The following ARHGAP26 variants were observed in gnomAD, a reference collection of about 807,000 sequenced individuals.
The protein encoded by ARHGAP26 is rho GTPase-activating protein 26.
ARHGAP26 carries 38 observed loss-of-function variants against 104.8 expected under a neutral mutation model. The ratio of observed to expected loss-of-function variants is 0.36; its 90% CI spans 0.28 to 0.48. The LOEUF is 0.48. ARHGAP26 is among the 20% of genes least tolerant of loss of function. The probability of loss-of-function intolerance (pLI) is 0.99; values close to 1 mark genes in which losing one functional copy is unlikely to be tolerated. For synonymous variants in ARHGAP26, 341 were observed against 340.0 expected, an observed-to-expected ratio of 1.00 and a Z score of -0.03; for missense variants, 704 against 947.9, an observed-to-expected ratio of 0.74 and a Z score of 3.38.
intron 13 of ARHGAP26, 38 bp from the exon 14 acceptor site, chr5:143,041,778 C>G: frequency 1.3e-6 from 2 of 1,495,452 alleles, no homozygotes. Flanking sequence ...TGTGTTCTGA[C>G]GTGCCTCTAA....
intron 1 of ARHGAP26, among the ~76,000 whole-genome samples, chr5:142,797,079 A>G (rs1223902418): frequency 6.6e-6 from 1 of 152,244 alleles, no homozygotes; most frequent in Non-Finnish European, 1.5e-5. Flanking sequence ...GTCTTTGTTC[A>G]GTGGACACTG....
intron 1 of ARHGAP26, among the ~76,000 whole-genome samples, chr5:142,787,724 C>T (rs1758951785): frequency 1.3e-5 from 2 of 152,172 alleles, no homozygotes; most frequent in Non-Finnish European, 2.9e-5. Context: ...ATAGACAATA[C>T]ATGTTCATTA....
intron 17 of ARHGAP26, among the ~76,000 whole-genome samples, chr5:143,064,410 T>G (rs992514824): frequency 6.6e-6 from 1 of 151,876 alleles, no homozygotes. Context: ...TTTTTTTTTT[T>G]TTTTCTCCTG....
rs900508694 is a variant in ARHGAP26 at position 142,820,458 on chromosome 5, CA to C, written c.154+49551del. On this transcript the variant is annotated intron_variant, in intron 1 of 22. Transcript: ENST00000645722. Reference sequence around the variant, plus strand: ...ATGCTTAAAAAAACAAAAAAACAAACAAAAAAAACCCACCTAAGGCTCATAT... The same window carrying C: ...ATGCTTAAAAAAACAAAAAAACAAACAAAAAAACCCACCTAAGGCTCATAT... Among the ~76,000 whole-genome samples, 27 of 151,670 alleles carry C rather than the reference CA, an allele frequency of 1.8e-4. No homozygotes were observed. The South Asian group carries it at 3.1e-3, about 18-fold the overall frequency.
chr5:142,808,304 G>A (rs1483736568), intron 1 of ARHGAP26, among the ~76,000 whole-genome samples: 4 of 135,004 alleles, frequency 3.0e-5, no homozygotes, highest in East Asian at 4.2e-4. Context: ...ACATTGATCC[G>A]AAAGGTGATT....
Position 142,770,529 on chromosome 5 carries a change from C to T in ARHGAP26, c.-233C>T, listed in dbSNP as rs888380297. 4.9e-6 allele frequency: 1 copy of T among 202,486 alleles called. No homozygotes were observed. Among genetic ancestry groups the T allele is most frequent in the Non-Finnish European group, 9.8e-6 (1 of 102,136 alleles). 12.5% of individuals were successfully genotyped at this position (202,486 alleles called of 1,614,324 possible). A position where few individuals can be genotyped will look rare whatever the true frequency, so the allele number is the denominator to read the frequency against. ...GCGGGTCCGCGCTGCGTTTCCTGCTCGCGATCCGCTCCGTTGCCCGCGCCC... is the reference window on the plus strand; with the variant it reads ...GCGGGTCCGCGCTGCGTTTCCTGCTTGCGATCCGCTCCGTTGCCCGCGCCC... On this transcript the variant is annotated 5_prime_UTR_variant, in exon 1 of 23. Transcript: ENST00000645722.
chr5:142,869,466 G>A (rs1754943738), intron 1 of ARHGAP26, among the ~76,000 whole-genome samples: 1 of 151,878 alleles, frequency 6.6e-6, no homozygotes. Context: ...TGATCCACCC[G>A]CCTTGGCCTC....
At chr5:143,054,813 C>T (rs1198099748) in intron 15 of ARHGAP26, among the ~76,000 whole-genome samples, 3 of 152,160 alleles carry the variant, frequency 2.0e-5, no homozygotes, top group Non-Finnish European at 4.4e-5. Flanking sequence ...GGGTCTTCCC[C>T]GAAGTCCCTG....
intron 1 of ARHGAP26, among the ~76,000 whole-genome samples, chr5:142,786,566 T>G (rs1597612854): frequency 1.3e-5 from 2 of 152,052 alleles, no homozygotes; most frequent in African/African-American, 4.8e-5. Context: ...CCTGAGTAGC[T>G]GGGATTCATC....
intron 11 of ARHGAP26, among the ~76,000 whole-genome samples, chr5:143,006,837 G>A (rs1778037787): frequency 6.6e-6 from 1 of 152,110 alleles, no homozygotes. Flanking sequence ...GTGGCCCATG[G>A]GTGAAAAGAG....
chr5:142,945,796 A>G (rs961634428), intron 11 of ARHGAP26, among the ~76,000 whole-genome samples: 1 of 152,252 alleles, frequency 6.6e-6, no homozygotes, highest in African/African-American at 2.4e-5. Context: ...TCAGACCTGG[A>G]AATTAACACT....
chr5:142,780,135 C>T (rs1757200990), intron 1 of ARHGAP26, among the ~76,000 whole-genome samples: 1 of 151,438 alleles, frequency 6.6e-6, no homozygotes, highest in Non-Finnish European at 1.5e-5. Flanking sequence ...GCTGTTTTAC[C>T]CTTTGCTTTT....
In ARHGAP26 at chr5:142,778,509, A is replaced by C. The variant is rs969222919; in HGVS notation, c.154+7594A>C. Among the ~76,000 whole-genome samples the C allele has an allele frequency of 2.6e-5, 4 of 152,078 alleles. No individual in the cohort carries two copies. In the East Asian group the frequency reaches 7.7e-4, roughly 29 times the overall value. On this transcript the variant is annotated intron_variant, in intron 1 of 22. Coordinates refer to ENST00000645722, the MANE Select transcript of ARHGAP26 (RefSeq NM_001135608.3). ...TTGTGTTTTGCTTTTCGAGTTGATC[A>C]TTTGTCTTGAAGACCTTCCATGTCA...
intron 18 of ARHGAP26, among the ~76,000 whole-genome samples, chr5:143,127,394 A>G (rs1014288649): frequency 6.6e-6 from 1 of 152,194 alleles, no homozygotes; most frequent in African/African-American, 2.4e-5. Flanking sequence ...GATGCCTATT[A>G]ATGTTTGACA....
chr5:143,059,271 G>C (rs931692772), intron 17 of ARHGAP26, among the ~76,000 whole-genome samples: 1 of 152,176 alleles, frequency 6.6e-6, no homozygotes, highest in Non-Finnish European at 1.5e-5. Flanking sequence ...GGCCTGCAGA[G>C]AGCAGCTGGA....
At chr5:143,199,861 C>T (rs1315927288) in intron 20 of ARHGAP26, among the ~76,000 whole-genome samples, 1 of 152,182 alleles carries the variant, frequency 6.6e-6, no homozygotes, top group African/African-American at 2.4e-5. Flanking sequence ...TGACTTCATC[C>T]TTGTTTTGAA....
intron 17 of ARHGAP26, among the ~76,000 whole-genome samples, chr5:143,069,819 G>A (rs1469560027): frequency 6.6e-6 from 1 of 152,184 alleles, no homozygotes; most frequent in African/African-American, 2.4e-5. Context: ...GCATCATTAT[G>A]TGGAAGATAA....
At chr5:142,972,866 CT>C (rs140809131) in intron 11 of ARHGAP26, among the ~76,000 whole-genome samples, 79 of 147,244 alleles carry the variant, frequency 5.4e-4, no homozygotes, top group East Asian at 1.4e-3. Flanking sequence ...GACCTTTATT[CT>C]TTTTTTTTTC....
intron 17 of ARHGAP26, among the ~76,000 whole-genome samples, chr5:143,084,632 C>A (rs1450539798): frequency 6.6e-6 from 1 of 152,344 alleles, no homozygotes; most frequent in East Asian, 1.9e-4. Context: ...ACACTGCTTC[C>A]TCTCCAGCCT....
Sources: gnomAD v4.1 joint callset for allele counts (sites outside exome capture counted in the v4.1 genomes callset) on GRCh38, gnomAD v4.1.1 for gene constraint, MANE v1.5 for transcripts, NCBI Gene and HGNC (gene_info 2026-07-23, HGNC 2026-07-21) for gene names.